The following IGFBPL1 variants were observed in gnomAD, a reference collection of about 807,000 sequenced individuals.
IGFBPL1 encodes the protein insulin-like growth factor-binding protein-like 1.
In IGFBPL1, 20 loss-of-function variants were observed where a neutral mutation model predicts 23.9. The ratio of observed to expected loss-of-function variants is 0.84; its 90% confidence interval spans 0.59 to 1.22. IGFBPL1 has a LOEUF of 1.22. IGFBPL1 is among the 50% of genes most tolerant of loss of function. The pLI, the probability that IGFBPL1 is intolerant of heterozygous loss-of-function variation, is 0.00. For synonymous variants in IGFBPL1, 184 were observed against 171.8 expected, an observed-to-expected ratio of 1.07 and a Z score of -0.56; for missense variants, 436 against 379.3, an observed-to-expected ratio of 1.15 and a Z score of -1.24.
intron 1 of IGFBPL1, among the ~76,000 whole-genome samples, chr9:38,415,753 G>A (rs755416399): frequency 5.9e-5 from 9 of 152,176 alleles, no homozygotes; most frequent in South Asian, 2.1e-4. Context: ...CTCACCTAGA[G>A]CTAAAGCCTG....
At chr9:38,420,629 A>G (rs7041048) in intron 1 of IGFBPL1, among the ~76,000 whole-genome samples, 36,165 of 151,984 alleles carry the variant, frequency 0.24, 5,036 homozygotes, top group African/African-American at 0.38. Context: ...GTAGGAGATC[A>G]AGACCATCCT....
At chr9:38,423,859 T>G in intron 1 of IGFBPL1, 106 bp downstream of exon 1, 1 of 1,099,228 alleles carries the variant, frequency 9.1e-7, no homozygotes, top group Non-Finnish European at 1.2e-6. Flanking sequence ...GGAAACTGAG[T>G]GCCAGGCAGC....
chr9:38,416,099 C>T (rs904289277), intron 1 of IGFBPL1, among the ~76,000 whole-genome samples: 3 of 152,146 alleles, frequency 2.0e-5, no homozygotes, highest in Admixed American at 1.3e-4. Flanking sequence ...TCACATTGTC[C>T]CGCCAGCGCC....
intron 1 of IGFBPL1, among the ~76,000 whole-genome samples, chr9:38,414,937 A>G (rs759063179): frequency 6.6e-6 from 1 of 152,118 alleles, no homozygotes; most frequent in Non-Finnish European, 1.5e-5. Context: ...CTTCCTCCCC[A>G]TGCCTGGCAT....
At chr9:38,419,839 C>G (rs186535646) in intron 1 of IGFBPL1, among the ~76,000 whole-genome samples, 1 of 149,544 alleles carries the variant, frequency 6.7e-6, no homozygotes, top group East Asian at 2.0e-4. Context: ...GCTTTTGCAT[C>G]CTTCTTCTTC....
At chr9:38,413,095 C>T in intron 3 of IGFBPL1, 142 bp downstream of exon 3, 2 of 630,332 alleles carry the variant, frequency 3.2e-6, no homozygotes, top group Non-Finnish European at 5.7e-6. Flanking sequence ...AGATCTGAAA[C>T]CTGCCCTGCC....
intron 1 of IGFBPL1, among the ~76,000 whole-genome samples, chr9:38,423,411 C>G (rs1453569314): frequency 2.6e-5 from 4 of 152,008 alleles, no homozygotes; most frequent in African/African-American, 9.7e-5. Flanking sequence ...AAAGGTCTTA[C>G]TTCTCCTGGA....
chr9:38,419,750 C>T (rs1821648401), intron 1 of IGFBPL1, among the ~76,000 whole-genome samples: 1 of 152,140 alleles, frequency 6.6e-6, no homozygotes, highest in African/African-American at 2.4e-5. Flanking sequence ...GGCCATACCA[C>T]CTTACCAGTG....
intron 1 of IGFBPL1, among the ~76,000 whole-genome samples, chr9:38,422,955 G>C (rs1205403265): frequency 6.6e-6 from 1 of 152,056 alleles, no homozygotes; most frequent in Non-Finnish European, 1.5e-5. Flanking sequence ...TGGTCTCTGG[G>C]CTCAGGCCAG....
At chr9:38,410,391 G>A (rs544024310) in intron 4 of IGFBPL1, among the ~76,000 whole-genome samples, 2 of 151,832 alleles carry the variant, frequency 1.3e-5, no homozygotes. Flanking sequence ...GCTGAGGCAG[G>A]AGAGTGGCGT....
intron 1 of IGFBPL1, among the ~76,000 whole-genome samples, chr9:38,423,623 T>TG (rs1821713219): frequency 6.6e-6 from 1 of 151,986 alleles, no homozygotes; most frequent in African/African-American, 2.4e-5. Flanking sequence ...ACAATCCACC[T>TG]AGCGCTGGAT....
chr9:38,424,206 C>A lies in IGFBPL1; in HGVS notation c.219G>T (p.Glu73Asp). The A allele has an allele frequency of 8.5e-7, 1 of 1,173,784 alleles. No individual in the cohort carries two copies. The highest frequency in any genetic ancestry group is 1.1e-6 in the Non-Finnish European group (1 of 951,920). The allele number at this position is 1,173,784 out of a possible 1,614,324, so 72.7% of individuals were successfully genotyped here. Residue 73 changes from glutamate (E) to aspartate (D), a missense_variant, in exon 1 of 5, where the codon GAG becomes GAT. Glu to Asp is a conservative substitution (Grantham distance 45). Transcript: ENST00000377694. ...CGGCGCGGCCCCCGCAGCTCGCGCC[C>A]TCGGCTCCCAGGCAGCGGGCGCAGC... ...CGCCARCLGA[E>D]GASCGGRAGG...
rs1454321543 is a variant in IGFBPL1 at position 38,408,725 on chromosome 9, A to G, written c.*502T>C. On this transcript the variant is annotated 3_prime_UTR_variant, in exon 5 of 5. Coordinates refer to ENST00000377694, the MANE Select transcript of IGFBPL1 (RefSeq NM_001007563.3). ...GGCAGGGCTAAAAGGGACATTGATA[A>G]CATCCAGTTAAAATGCCATACTCAC... Among the ~76,000 whole-genome samples, 1 of 152,174 alleles carries G rather than the reference A, an allele frequency of 6.6e-6. No individual in the cohort carries two copies. The highest frequency in any genetic ancestry group is 1.5e-5 in the Non-Finnish European group (1 of 68,030).
Position 38,424,375 on chromosome 9 carries a change from G to T in IGFBPL1, c.50C>A (p.Pro17Gln). The T allele has an allele frequency of 1.5e-6, 1 of 682,552 alleles. No individual in the cohort carries two copies. The highest frequency in any genetic ancestry group is 1.7e-5 in the South Asian group (1 of 58,974). 42.3% of individuals were successfully genotyped at this position (682,552 alleles called of 1,614,324 possible). The change falls in exon 1 of 5, where the codon CCG becomes CAG. Residue 17 changes from proline (P) to glutamine (Q), a missense_variant. Physicochemically the swap from Pro to Gln is moderately conservative, Grantham distance 76. Coordinates refer to ENST00000377694, the MANE Select transcript of IGFBPL1 (RefSeq NM_001007563.3). ...GCTCGGGGACAGCGGCGGCAGCAGC[G>T]GCAGCAGCAGCAGAAGCAGCAGCGG... is the stretch of plus-strand genomic sequence containing the variant. ...LLPLLLLLLL[P>Q]LLPPLSPSLG... is the part of the protein sequence containing the mutation.
chr9:38,420,591 T>C (rs898771840), intron 1 of IGFBPL1, among the ~76,000 whole-genome samples: 6 of 152,180 alleles, frequency 3.9e-5, no homozygotes, highest in African/African-American at 1.2e-4. Context: ...CCCAGCACTT[T>C]GGGAGGCCGA....
In IGFBPL1 at chr9:38,413,348, C is replaced by T. The variant is rs200193212; in HGVS notation, c.576G>A (p.Thr192=). ...PTPVITWRKV[T]KSPEGTQALE... ...GTGCTTGGGTGCCCTCAGGGGACTT[C>T]GTGACCTACAGGGGACAGGAATGCC... The change falls in exon 3 of 5, where the codon ACG becomes ACA. Residue 192 remains threonine (T), a synonymous_variant. Coordinates refer to ENST00000377694, the MANE Select transcript of IGFBPL1 (RefSeq NM_001007563.3). The T allele has an allele frequency of 7.5e-6, 12 of 1,607,878 alleles. No individual in the cohort carries two copies. Among genetic ancestry groups the T allele is most frequent in the East Asian group, 6.7e-5 (3 of 44,822 alleles).
chr9:38,423,801 CCA>C lies in IGFBPL1; in HGVS notation c.460+162_460+163del, dbSNP rs1418087304. Among the ~76,000 whole-genome samples the C allele has an allele frequency of 4.6e-5, 7 of 152,292 alleles. No individual in the cohort carries two copies. In the East Asian group the frequency reaches 1.4e-3, roughly 29 times the overall value. Reference sequence around the variant, plus strand: ...AGTGGCGTCTCCAAGGATTCTCGCCCCAGTCTCTCTGAGCACGAGGAGAGATA... The same window carrying C: ...AGTGGCGTCTCCAAGGATTCTCGCCCGTCTCTCTGAGCACGAGGAGAGATA... On this transcript the variant is annotated intron_variant, in intron 1 of 4. Transcript: ENST00000377694.
intron 1 of IGFBPL1, 131 bp from the exon 2 acceptor site, chr9:38,414,334 C>T (rs538257319): frequency 8.5e-6 from 5 of 585,472 alleles, no homozygotes; most frequent in Non-Finnish European, 1.2e-5. Context: ...CACGCTTGGG[C>T]AGGAATCCTA....
In IGFBPL1 at chr9:38,407,092, CCT is replaced by C. The variant is rs1821439531; in HGVS notation, c.*2133_*2134del. Among the ~76,000 whole-genome samples, 1 of 151,882 alleles carries C rather than the reference CCT, an allele frequency of 6.6e-6. No homozygotes were observed. Among genetic ancestry groups the C allele is most frequent in the Non-Finnish European group, 1.5e-5 (1 of 67,970 alleles). On this transcript the variant is annotated 3_prime_UTR_variant, in exon 5 of 5. Transcript: ENST00000377694. ...AAGACACAGGAGAATTAACTGCAGG[CCT>C]TCACACATGGAAGTCAGTCACAGTG... is the stretch of plus-strand genomic sequence containing the variant.
Sources: gnomAD v4.1 joint callset for allele counts (sites outside exome capture counted in the v4.1 genomes callset) on GRCh38, gnomAD v4.1.1 for gene constraint, MANE v1.5 for transcripts, NCBI Gene and HGNC (gene_info 2026-07-23, HGNC 2026-07-21) for gene names.